Variants in DSCAM observed in about 807,000 individuals in gnomAD.
The protein encoded by DSCAM is DS cell adhesion molecule, also known as cell adhesion molecule DSCAM.
In DSCAM, 47 loss-of-function variants were observed where a neutral mutation model predicts 217.7. That is an observed-to-expected ratio of 0.22 (90% CI 0.17 to 0.28). DSCAM has a LOEUF of 0.28. DSCAM is among the 10% of genes least tolerant of loss of function. The probability of loss-of-function intolerance (pLI) is 1.00; values close to 1 mark genes in which losing one functional copy is unlikely to be tolerated. For missense variants in DSCAM, 2,080 were observed against 2,618.3 expected, an observed-to-expected ratio of 0.79 and a Z score of 4.49; for synonymous variants, 1,056 against 1,015.3, an observed-to-expected ratio of 1.04 and a Z score of -0.76.
Position 40,347,532 on chromosome 21 carries a change from A to G in DSCAM, c.1210+138T>C, listed in dbSNP as rs2074571801. ...CCATTTGCCTGATTTAGCTTGAAAA[A>G]TTAGGGTAGAGTACTAGCTGGTGAG... is the stretch of plus-strand genomic sequence containing the variant. On this transcript the variant is annotated intron_variant, in intron 6 of 32. Coordinates refer to ENST00000400454, the MANE Select transcript of DSCAM (RefSeq NM_001389.5). 3.4e-6 allele frequency: 4 copies of G among 1,173,530 alleles called. No homozygotes were observed. The South Asian group carries it at 6.8e-5, about 20-fold the overall frequency. 72.7% of individuals were successfully genotyped at this position (1,173,530 alleles called of 1,614,324 possible). A position where few individuals can be genotyped will look rare whatever the true frequency, so the allele number is the denominator to read the frequency against.
intron 3 of DSCAM, among the ~76,000 whole-genome samples, chr21:40,471,740 T>C (rs372783692): frequency 9.2e-5 from 14 of 152,342 alleles, no homozygotes; most frequent in African/African-American, 3.4e-4. Context: ...TCTACCATTT[T>C]ATCAGTGGGG....
intron 3 of DSCAM, among the ~76,000 whole-genome samples, chr21:40,566,032 C>T (rs2076761868): frequency 6.6e-6 from 1 of 152,180 alleles, no homozygotes. Context: ...GGGTTTAAGT[C>T]TAGACGTAAG....
chr21:40,163,021 A>C (rs1204345131), intron 16 of DSCAM, among the ~76,000 whole-genome samples: 1 of 151,976 alleles, frequency 6.6e-6, no homozygotes, highest in Non-Finnish European at 1.5e-5. Context: ...GTATATAATC[A>C]TTAAATATTC....
intron 3 of DSCAM, among the ~76,000 whole-genome samples, chr21:40,691,599 G>A (rs1006834170): frequency 2.6e-5 from 4 of 152,132 alleles, no homozygotes; most frequent in Admixed American, 6.5e-5. Flanking sequence ...TCTCTATTCT[G>A]ATTATTACAA....
intron 20 of DSCAM, among the ~76,000 whole-genome samples, chr21:40,110,348 T>A (rs2089880097): frequency 6.6e-6 from 1 of 152,170 alleles, no homozygotes. Flanking sequence ...GACCTTCACC[T>A]GAGGGTCCTG....
chr21:40,571,219 A>T (rs532422842), intron 3 of DSCAM, among the ~76,000 whole-genome samples: 1 of 152,302 alleles, frequency 6.6e-6, no homozygotes, highest in African/African-American at 2.4e-5. Context: ...TGCTGAAAAA[A>T]AACTGTCAAC....
intron 3 of DSCAM, among the ~76,000 whole-genome samples, chr21:40,611,778 T>C (rs1352473668): frequency 6.6e-6 from 1 of 152,234 alleles, no homozygotes; most frequent in Non-Finnish European, 1.5e-5. Context: ...CTTGCCCTCA[T>C]GGGACTTCAG....
intron 8 of DSCAM, among the ~76,000 whole-genome samples, chr21:40,321,173 T>C (rs1355427019): frequency 6.6e-6 from 1 of 152,212 alleles, no homozygotes; most frequent in Non-Finnish European, 1.5e-5. Context: ...GCCTTGTTCT[T>C]CCTTCTCTCT....
chr21:40,521,987 T>C (rs1358466691), intron 3 of DSCAM, among the ~76,000 whole-genome samples: 1 of 152,218 alleles, frequency 6.6e-6, no homozygotes, highest in African/African-American at 2.4e-5. Flanking sequence ...AATAATTGTG[T>C]GTCAATTAAA....
chr21:40,771,202 G>A (rs908329790), intron 1 of DSCAM, among the ~76,000 whole-genome samples: 8 of 152,176 alleles, frequency 5.3e-5, no homozygotes, highest in African/African-American at 1.7e-4. Flanking sequence ...TTAAGGGCAC[G>A]AGCTTTCATT....
intron 3 of DSCAM, among the ~76,000 whole-genome samples, chr21:40,551,140 G>A (rs1429624228): frequency 6.6e-6 from 1 of 152,218 alleles, no homozygotes; most frequent in African/African-American, 2.4e-5. Flanking sequence ...ATAGCCTCAA[G>A]AAGTCCTGAG....
intron 30 of DSCAM, among the ~76,000 whole-genome samples, chr21:40,046,554 T>G (rs2146486328): frequency 6.6e-6 from 1 of 152,322 alleles, no homozygotes; most frequent in Middle Eastern, 3.4e-3. Context: ...AACATTATGA[T>G]GGGGAAGAGG....
In DSCAM at chr21:40,017,831, C is replaced by T. The variant is rs574600753; in HGVS notation, c.5687-4445G>A. The stretch of plus-strand genomic sequence containing the variant: ...CCTCCCAAAGTGTTGGGATTACAGG[C>T]GTGAGCCACCGCACCTGGCCCATAA... On this transcript the variant is annotated intron_variant, in intron 32 of 32. Transcript: ENST00000400454. Among the ~76,000 whole-genome samples, 35 of 152,272 alleles carry T rather than the reference C, an allele frequency of 2.3e-4. 1 individual carries two copies. Among genetic ancestry groups the T allele is most frequent in the Admixed American group, 3.9e-4 (6 of 15,296 alleles).
At chr21:40,362,070 A>G (rs547686737) in intron 4 of DSCAM, among the ~76,000 whole-genome samples, 5 of 152,108 alleles carry the variant, frequency 3.3e-5, no homozygotes, top group Admixed American at 2.0e-4. Flanking sequence ...ATGATTTCCA[A>G]TTTCATCCAT....
Position 40,784,701 on chromosome 21 carries a change from G to T in DSCAM, c.43+61918C>A, listed in dbSNP as rs141505816. Among the ~76,000 whole-genome samples, 550 of 152,296 alleles carry T rather than the reference G, an allele frequency of 3.6e-3. 3 individuals are homozygous for T. The highest frequency in any genetic ancestry group is 0.013 in the African/African-American group (522 of 41,564). The stretch of plus-strand genomic sequence containing the variant: ...CAGGAATGGGATTAGTACCCTGATA[G>T]AATTGACTCCAGAGAGTGCTCTTGT... On this transcript the variant is annotated intron_variant, in intron 1 of 32. Coordinates refer to ENST00000400454, the MANE Select transcript of DSCAM (RefSeq NM_001389.5).
chr21:40,021,518 G>C (rs1412027129), intron 32 of DSCAM, among the ~76,000 whole-genome samples: 1 of 152,218 alleles, frequency 6.6e-6, no homozygotes, highest in Non-Finnish European at 1.5e-5. Context: ...ACCCAGTGCA[G>C]ATCACAGGCT....
chr21:40,826,072 G>A (rs1336606265), intron 1 of DSCAM, among the ~76,000 whole-genome samples: 1 of 152,194 alleles, frequency 6.6e-6, no homozygotes, highest in African/African-American at 2.4e-5. Flanking sequence ...AGAGACAGAT[G>A]ATAAACTTCT....
chr21:40,765,120 T>C (rs939830605), intron 1 of DSCAM, among the ~76,000 whole-genome samples: 1 of 151,318 alleles, frequency 6.6e-6, no homozygotes, highest in African/African-American at 2.4e-5. Context: ...AAAGAACTTG[T>C]CAGAAAGTTC....
At chr21:40,667,765 C>T (rs1469060729) in intron 3 of DSCAM, among the ~76,000 whole-genome samples, 1 of 152,110 alleles carries the variant, frequency 6.6e-6, no homozygotes, top group African/African-American at 2.4e-5. Flanking sequence ...GATGTGTTTG[C>T]TTTGTTTTCT....
Sources: allele counts gnomAD v4.1 joint callset (sites outside exome capture counted in the v4.1 genomes callset), GRCh38; gene constraint gnomAD v4.1.1; transcripts MANE v1.5; gene names NCBI Gene and HGNC (gene_info 2026-07-23, HGNC 2026-07-21).